The following HSF5 variants were observed in gnomAD, a reference collection of about 807,000 sequenced individuals.
HSF5 encodes heat shock factor protein 5.
In HSF5, 5 loss-of-function variants were observed where a neutral mutation model predicts 50.8. That is an observed-to-expected ratio of 0.10 (90% CI 0.05 to 0.21). The LOEUF (loss-of-function observed/expected upper bound fraction) is 0.21. HSF5 is among the 10% of genes least tolerant of loss of function. The pLI, the probability that HSF5 is intolerant of heterozygous loss-of-function variation, is 1.00. For missense variants in HSF5, 564 were observed against 762.6 expected (o/e 0.74, Z 3.07); for synonymous variants, 307 against 307.4 (o/e 1.00, Z 0.02).
intron 5 of HSF5, among the ~76,000 whole-genome samples, chr17:58,427,031 C>G (rs1367387126): frequency 2.0e-5 from 3 of 151,986 alleles, no homozygotes; most frequent in African/African-American, 7.2e-5. Flanking sequence ...GAGGGTAGAT[C>G]GCTTGCATCC....
rs1974211108 is a variant in HSF5 at position 58,420,243 on chromosome 17, A to G, written c.*2117T>C. 6.6e-6 allele frequency: 1 copy of G among 152,212 alleles called. No homozygotes were observed. The highest frequency in any genetic ancestry group is 2.1e-4 in the South Asian group (1 of 4,832). The allele number at this position is 152,212 out of a possible 1,614,324, so 9.4% of individuals were successfully genotyped here. A position where few individuals can be genotyped will look rare whatever the true frequency, so the allele number is the denominator to read the frequency against. On this transcript the variant is annotated 3_prime_UTR_variant, in exon 6 of 6. Coordinates refer to ENST00000323777, the MANE Select transcript of HSF5 (RefSeq NM_001080439.3). Reference sequence around the variant, plus strand: ...TAAGGTGCTGAAATACTGAGGTACTAGTCAGGAACCTTGTTAGTTGACTAG... The same window carrying G: ...TAAGGTGCTGAAATACTGAGGTACTGGTCAGGAACCTTGTTAGTTGACTAG...
At chr17:58,441,606 G>T (rs1408448304) in intron 5 of HSF5, among the ~76,000 whole-genome samples, 1 of 152,014 alleles carries the variant, frequency 6.6e-6, no homozygotes, top group African/African-American at 2.4e-5. Context: ...ACAAAAACTT[G>T]ATCATTCCAA....
At chr17:58,487,581 CGG>C in intron 1 of HSF5, 142 bp downstream of exon 1, 5 of 1,271,416 alleles carry the variant, frequency 3.9e-6, no homozygotes, top group Non-Finnish European at 4.9e-6. Context: ...CCGCCAGTCT[CGG>C]GAAGCACAGC....
chr17:58,475,580 C>A (rs752592966), intron 2 of HSF5, among the ~76,000 whole-genome samples: 3 of 152,154 alleles, frequency 2.0e-5, no homozygotes, highest in African/African-American at 4.8e-5. Context: ...AAAAGAGAAG[C>A]CATGTTGTCA....
In HSF5 at chr17:58,467,119, T is replaced by G. The variant is rs1974878350; in HGVS notation, c.926-140A>C. The stretch of plus-strand genomic sequence containing the variant: ...ATGTCTAACAAAATATTTAGTCCAA[T>G]TAGGTGGTGTTATTTATTGAAAACA... On this transcript the variant is annotated intron_variant, in intron 2 of 5. Transcript: ENST00000323777. 3 of 601,048 alleles carry G rather than the reference T, an allele frequency of 5.0e-6. No individual in the cohort carries two copies. The South Asian group carries it at 6.0e-5, about 12-fold the overall frequency. 37.2% of individuals were successfully genotyped at this position (601,048 alleles called of 1,614,324 possible).
chr17:58,433,665 T>C (rs1419064745), intron 5 of HSF5, among the ~76,000 whole-genome samples: 1 of 152,108 alleles, frequency 6.6e-6, no homozygotes, highest in Admixed American at 6.6e-5. Context: ...TTCAGGAAGG[T>C]TGAAATAATC....
At chr17:58,443,550 T>G (rs1382384688) in intron 5 of HSF5, among the ~76,000 whole-genome samples, 2 of 152,310 alleles carry the variant, frequency 1.3e-5, no homozygotes, top group Non-Finnish European at 1.5e-5. Context: ...TCCCTCAGTC[T>G]CAAGCATCTC....
At position 58,453,810 on chromosome 17, in the gene HSF5, C is replaced by A. The variant is rs1320117563; in HGVS notation, c.1720+4958G>T. Among the ~76,000 whole-genome samples the A allele has an allele frequency of 5.9e-5, 9 of 151,826 alleles. No homozygotes were observed. The East Asian group carries it at 1.7e-3, about 29-fold the overall frequency. ...ATTCAGTAAAATTCAACATCCTGGC[C>A]GGGCATGGTGGATCACACCTGTAAA... On this transcript the variant is annotated intron_variant, in intron 5 of 5. Transcript: ENST00000323777.
rs780208398 is a variant in HSF5 at position 58,488,095 on chromosome 17, G to A, written c.180C>T (p.Gly60=). ...GCTCGGCCCCGGCCCCCGCAGTCCC[G>A]CCACCGCCCCCCGGCCCGGGCGGGC... is the stretch of plus-strand genomic sequence containing the variant. ...LLSPPGPGGG[G]GTAGAGAEPE... The change falls in exon 1 of 6, where the codon GGC becomes GGT. Residue 60 remains glycine, a synonymous_variant. Coordinates refer to ENST00000323777, the MANE Select transcript of HSF5 (RefSeq NM_001080439.3). The surrounding 1 kb of genome is among the most constrained non-coding windows in gnomAD (Gnocchi z 4.1). The A allele has an allele frequency of 5.2e-6, 8 of 1,539,976 alleles. No homozygotes were observed. Among genetic ancestry groups the A allele is most frequent in the Admixed American group, 1.9e-5 (1 of 53,300 alleles).
chr17:58,429,606 G>A (rs946445746), intron 5 of HSF5, among the ~76,000 whole-genome samples: 2 of 152,080 alleles, frequency 1.3e-5, no homozygotes, highest in East Asian at 3.9e-4. Flanking sequence ...AACACTTTGG[G>A]GAGGCCGAAG....
At position 58,466,942 on chromosome 17, in the gene HSF5, A is replaced by C; in HGVS notation, c.963T>G (p.Ala321=). ...CAGTGGGAGTGACACAACTACTTAG[A>C]GCATCCATGTGGGTAGGAGAACAGC... is the stretch of plus-strand genomic sequence containing the variant. ...LQCCSPTHMD[A]LSSCVTPTAS... is the part of the protein sequence containing the mutation. The change falls in exon 3 of 6, where the codon GCT becomes GCG. Residue 321 remains alanine (A), a synonymous_variant. Transcript: ENST00000323777. The C allele has an allele frequency of 6.2e-7, 1 of 1,612,128 alleles. No individual in the cohort carries two copies. The highest frequency in any genetic ancestry group is 1.1e-5 in the South Asian group (1 of 91,044).
chr17:58,445,723 G>C (rs1974552543), intron 5 of HSF5, among the ~76,000 whole-genome samples: 2 of 152,184 alleles, frequency 1.3e-5, no homozygotes, highest in South Asian at 4.1e-4. Flanking sequence ...GGAGCCAGGG[G>C]AAGGAGGAAA....
chr17:58,485,704 G>A (rs1244810485), intron 1 of HSF5, among the ~76,000 whole-genome samples: 2 of 147,658 alleles, frequency 1.4e-5, no homozygotes. Context: ...CCAAGATCTT[G>A]CCACTGCACT....
chr17:58,450,358 A>G (rs1974621696), intron 5 of HSF5, among the ~76,000 whole-genome samples: 1 of 151,028 alleles, frequency 6.6e-6, no homozygotes, highest in African/African-American at 2.4e-5. Flanking sequence ...AAAAAAAAAA[A>G]AAAAAGATAT....
In HSF5 at chr17:58,487,916, T is replaced by C; in HGVS notation, c.359A>G (p.Gln120Arg). The C allele has an allele frequency of 6.2e-7, 1 of 1,611,200 alleles. No homozygotes were observed. The highest frequency in any genetic ancestry group is 8.5e-7 in the Non-Finnish European group (1 of 1,179,344). ...HFHNPHFRRD[Q>R]PQLLVHLKRL... Reference sequence around the variant, plus strand: ...CTTGAGGTGCACGAGCAGCTGTGGCTGGTCGCGGCGGAAGTGCGGGTTGTG... The same window carrying C: ...CTTGAGGTGCACGAGCAGCTGTGGCCGGTCGCGGCGGAAGTGCGGGTTGTG... The change falls in exon 1 of 6, where the codon CAG becomes CGG. Residue 120 changes from glutamine (Q) to arginine (R), a missense_variant. Physicochemically the swap from Gln to Arg is conservative, Grantham distance 43. Around this residue, in one of 5 missense-constraint regions of HSF5, gnomAD observed 21 missense variants for 75.9 expected, o/e 0.28. Transcript: ENST00000323777.
In HSF5 at chr17:58,425,575, C is replaced by CAAAAAAAAAAA. The variant is rs66502039; in HGVS notation, c.1721-3156_1721-3146dup. On this transcript the variant is annotated intron_variant, in intron 5 of 5. Transcript: ENST00000323777. ...GGGCAACATAGTAAGACCTCTATCT[C>CAAAAAAAAAAA]AAAAAAAAAAAAAAAAAAAAAAAAA... 4.2e-4 allele frequency among the ~76,000 whole-genome samples: 14 copies of CAAAAAAAAAAA among 32,988 alleles called. 1 individual carries two copies. The highest frequency in any genetic ancestry group is 1.3e-3 in the African/African-American group (9 of 6,806). The allele number at this position is 32,988 out of a possible 152,430, so 21.6% of individuals were successfully genotyped here. A position where few individuals can be genotyped will look rare whatever the true frequency, so the allele number is the denominator to read the frequency against.
Position 58,435,794 on chromosome 17 carries a change from G to A in HSF5, c.1721-13364C>T, listed in dbSNP as rs187310907. ...GGCGCCTGTAGTCCCAGCTACTCGG[G>A]AGGCTGAGGCAGGAGAATGGTGTGA... On this transcript the variant is annotated intron_variant, in intron 5 of 5. Transcript: ENST00000323777. 9.4e-3 allele frequency among the ~76,000 whole-genome samples: 1,413 copies of A among 150,960 alleles called. 21 individuals carry two copies. The highest frequency in any genetic ancestry group is 0.032 in the African/African-American group (1,324 of 41,092).
In HSF5 at chr17:58,430,983, C is replaced by T. The variant is rs567589887; in HGVS notation, c.1721-8553G>A. ...ACCCAAATCCCACCTTGAATTCCCA[C>T]ATGTTGTGGGAGAGACCTGGTAGGA... On this transcript the variant is annotated intron_variant, in intron 5 of 5. Transcript: ENST00000323777. Among the ~76,000 whole-genome samples, 16 of 152,272 alleles carry T rather than the reference C, an allele frequency of 1.1e-4. No homozygotes were observed. In the South Asian group the frequency reaches 2.5e-3, roughly 24 times the overall value.
chr17:58,460,749 T>A (rs1375423455), intron 4 of HSF5, among the ~76,000 whole-genome samples: 2 of 151,776 alleles, frequency 1.3e-5, no homozygotes, highest in African/African-American at 2.4e-5. Flanking sequence ...GACCTCATGA[T>A]CTGTCCGCCT....
Sources: gnomAD v4.1 joint callset for allele counts (sites outside exome capture counted in the v4.1 genomes callset) on GRCh38, gnomAD v4.1.1 for gene constraint, gnomAD v4.1.1 regional missense constraint, Gnocchi (gnomAD v3.1) non-coding constraint, MANE v1.5 for transcripts, NCBI Gene and HGNC (gene_info 2026-07-23, HGNC 2026-07-21) for gene names.